ROBO2: variants seen among roughly 807,000 people sequenced by gnomAD.
The protein encoded by ROBO2 is roundabout homolog 2.
In ROBO2, 53 loss-of-function variants were observed where a neutral mutation model predicts 160.8. The ratio of observed to expected loss-of-function variants is 0.33; its 90% CI spans 0.26 to 0.41. ROBO2 has a LOEUF of 0.41. Among genes scored for constraint, ROBO2 ranks in the 10% least tolerant of loss-of-function variants. The pLI is 1.00. For missense variants in ROBO2, 1,577 were observed against 1,722.4 expected, an observed-to-expected ratio of 0.92 and a Z score of 1.49; for synonymous variants, 664 against 611.7, an observed-to-expected ratio of 1.09 and a Z score of -1.26.
At chr3:76,014,587 G>A (rs13096614) in intron 2 of ROBO2, among the ~76,000 whole-genome samples, 8 of 147,838 alleles carry the variant, frequency 5.4e-5, no homozygotes, top group Admixed American at 1.4e-4. Context: ...GGCAATTGGC[G>A]GCTGGCATGA....
At chr3:77,622,325 A>T in exon 23 of ROBO2, 3 of 1,614,204 alleles carry the variant, frequency 1.9e-6, no homozygotes, top group Non-Finnish European at 2.5e-6. Flanking sequence ...GATGTTGCAG[A>T]TGATGATGCC....
intron 6 of ROBO2, among the ~76,000 whole-genome samples, chr3:77,539,210 G>A (rs2092338710): frequency 6.6e-6 from 1 of 152,032 alleles, no homozygotes; most frequent in South Asian, 2.1e-4. Flanking sequence ...GTGAGCCACC[G>A]CCCCCCGGCC....
chr3:76,234,567 A>G lies in ROBO2; in HGVS notation c.109+296965A>G, dbSNP rs1704822320. Reference sequence around the variant, plus strand: ...ACTGTTATTCCTCGATTTTTTAGTAATAGCCATTCTGACTGGTTTGAGATG... The same window carrying G: ...ACTGTTATTCCTCGATTTTTTAGTAGTAGCCATTCTGACTGGTTTGAGATG... On this transcript the variant is annotated intron_variant, in intron 2 of 26. Transcript: ENST00000487694. 2.0e-5 allele frequency among the ~76,000 whole-genome samples: 3 copies of G among 152,222 alleles called. No homozygotes were observed. The South Asian group carries it at 6.2e-4, about 32-fold the overall frequency.
chr3:77,556,165 G>A (rs2093113879), intron 8 of ROBO2, among the ~76,000 whole-genome samples: 1 of 151,824 alleles, frequency 6.6e-6, no homozygotes, highest in Non-Finnish European at 1.5e-5. Context: ...TACTCATAGT[G>A]TTTTGTTCAT....
intron 1 of ROBO2, among the ~76,000 whole-genome samples, chr3:77,064,508 G>A (rs1022020908): frequency 7.2e-5 from 11 of 151,836 alleles, no homozygotes; most frequent in African/African-American, 2.7e-4. Flanking sequence ...TTACAGGCAT[G>A]CACCACCATG....
intron 8 of ROBO2, among the ~76,000 whole-genome samples, chr3:77,555,794 C>T (rs1366416234): frequency 6.6e-6 from 1 of 151,850 alleles, no homozygotes; most frequent in Non-Finnish European, 1.5e-5. Context: ...TCACTGGAAT[C>T]CCTAAATGTT....
intron 2 of ROBO2, among the ~76,000 whole-genome samples, chr3:76,141,829 T>TA (rs1188191487): frequency 1.3e-5 from 2 of 152,020 alleles, no homozygotes; most frequent in Admixed American, 1.3e-4. Flanking sequence ...TTATGCTTGT[T>TA]AAAATGTAAG....
At chr3:77,307,756 G>A (rs964310159) in intron 2 of ROBO2, among the ~76,000 whole-genome samples, 11 of 152,016 alleles carry the variant, frequency 7.2e-5, no homozygotes, top group Non-Finnish European at 1.2e-4. Flanking sequence ...GGTGGCGGGC[G>A]CCTGTAATCC....
At chr3:77,276,588 A>G (rs1414902433) in intron 2 of ROBO2, among the ~76,000 whole-genome samples, 1 of 152,070 alleles carries the variant, frequency 6.6e-6, no homozygotes, top group Admixed American at 6.6e-5. Flanking sequence ...TTTAATAATT[A>G]CATTATTCAA....
chr3:76,013,942 G>T (rs2066300623), intron 2 of ROBO2, among the ~76,000 whole-genome samples: 1 of 152,038 alleles, frequency 6.6e-6, no homozygotes, highest in Non-Finnish European at 1.5e-5. Flanking sequence ...ACTGGGCACG[G>T]GGGTGTATGC....
At chr3:76,919,098 G>C (rs909854753) in intron 2 of ROBO2, among the ~76,000 whole-genome samples, 8 of 151,942 alleles carry the variant, frequency 5.3e-5, no homozygotes, top group African/African-American at 1.9e-4. Flanking sequence ...GCAATGCCTA[G>C]GTGATGGGTT....
chr3:76,038,767 CGTGTGTGTGT>C (rs66489028), intron 2 of ROBO2, among the ~76,000 whole-genome samples: 1 of 148,226 alleles, frequency 6.7e-6, no homozygotes, highest in African/African-American at 2.5e-5. Context: ...TGGAAAACTG[CGTGTGTGTGT>C]GTGTGTGTGT....
At chr3:77,269,691 C>T (rs1367541629) in intron 2 of ROBO2, among the ~76,000 whole-genome samples, 1 of 152,098 alleles carries the variant, frequency 6.6e-6, no homozygotes, top group Non-Finnish European at 1.5e-5. Flanking sequence ...CCCGCATATA[C>T]CATATGCACA....
At chr3:76,854,327 T>C (rs1325493509) in intron 2 of ROBO2, among the ~76,000 whole-genome samples, 1 of 152,160 alleles carries the variant, frequency 6.6e-6, no homozygotes, top group East Asian at 1.9e-4. Flanking sequence ...ATGAATACAT[T>C]GCATACACAT....
chr3:77,391,376 G>T lies in ROBO2; in HGVS notation c.389-86038G>T, dbSNP rs555385673. On this transcript the variant is annotated intron_variant, in intron 2 of 25. Coordinates refer to ENST00000461745, the Ensembl canonical transcript of ROBO2. ...GGCTGGAGTACAGTGACACAATCAC[G>T]GCTCACTGCAGCCTCAACCTCCCCA... Among the ~76,000 whole-genome samples, 5 of 151,450 alleles carry T rather than the reference G, an allele frequency of 3.3e-5. No individual in the cohort carries two copies. The South Asian group carries it at 1.0e-3, about 32-fold the overall frequency.
At chr3:77,004,849 C>T (rs1434914738) in intron 2 of ROBO2, among the ~76,000 whole-genome samples, 1 of 152,122 alleles carries the variant, frequency 6.6e-6, no homozygotes, top group Non-Finnish European at 1.5e-5. Flanking sequence ...ATGCAGTCCC[C>T]ATCTTAGACA....
intron 4 of ROBO2, among the ~76,000 whole-genome samples, chr3:77,492,338 A>G (rs1416609154): frequency 6.6e-6 from 1 of 152,196 alleles, no homozygotes; most frequent in Non-Finnish European, 1.5e-5. Context: ...ATGTCTGGTG[A>G]TACATAAAAC....
At chr3:76,347,084 G>A (rs1375899802) in intron 2 of ROBO2, among the ~76,000 whole-genome samples, 7 of 152,070 alleles carry the variant, frequency 4.6e-5, no homozygotes, top group African/African-American at 1.2e-4. Context: ...GTCTCTTTAC[G>A]TTTAGCAGTC....
intron 2 of ROBO2, among the ~76,000 whole-genome samples, chr3:76,945,300 G>A (rs1033357723): frequency 6.6e-6 from 1 of 151,984 alleles, no homozygotes; most frequent in Non-Finnish European, 1.5e-5. Flanking sequence ...TATTGATGTC[G>A]CTCTCACTAT....
Sources: allele counts gnomAD v4.1 joint callset (sites outside exome capture counted in the v4.1 genomes callset), GRCh38; gene constraint gnomAD v4.1.1; transcripts MANE v1.5; gene names NCBI Gene and HGNC (gene_info 2026-07-23, HGNC 2026-07-21).